RANBP2: variants seen among roughly 807,000 people sequenced by gnomAD.
The protein encoded by RANBP2 is RAN binding protein 2.
A neutral mutation model predicts 303.6 loss-of-function variants in RANBP2; 57 were observed. The ratio of observed to expected loss-of-function variants is 0.19; its 90% CI spans 0.15 to 0.23. The LOEUF (loss-of-function observed/expected upper bound fraction) is 0.23, where lower values mean the gene tolerates loss of function less well. RANBP2 is among the 10% of genes least tolerant of loss of function. RANBP2 has a pLI of 1.00. For missense variants in RANBP2, 3,138 were observed against 3,780.8 expected (o/e 0.83, Z 4.46); for synonymous variants, 1,167 against 1,301.5 (o/e 0.90, Z 2.23).
the RANBP2 span, among the ~76,000 whole-genome samples, chr2:109,014,025 A>G: frequency 5.3e-5 from 8 of 152,240 alleles, no homozygotes; most frequent in African/African-American, 1.4e-4. Flanking sequence ...GGATAGTGCA[A>G]CAAGCCAGCT....
chr2:108,786,988 C>G, downstream of RANBP2: 1 of 1,087,870 alleles, frequency 9.2e-7, no homozygotes, highest in Non-Finnish European at 1.2e-6. Flanking sequence ...CCCCGCGCAG[C>G]CGGCCTGGGG....
the RANBP2 span, chr2:109,567,928 C>G: frequency 1.2e-6 from 2 of 1,613,860 alleles, no homozygotes; most frequent in Admixed American, 3.3e-5. Context: ...TTCTGTAATT[C>G]AGTTTTAGAA....
the RANBP2 span, among the ~76,000 whole-genome samples, chr2:109,087,273 A>T: frequency 3.3e-5 from 5 of 151,706 alleles, no homozygotes; most frequent in Admixed American, 3.3e-4. Flanking sequence ...ACTTTGGATG[A>T]CTCTTGGCAA....
the RANBP2 span, among the ~76,000 whole-genome samples, chr2:109,258,244 G>A: frequency 5.2e-4 from 79 of 152,204 alleles, no homozygotes; most frequent in Non-Finnish European, 8.7e-4. Flanking sequence ...GCCTGGCGCT[G>A]TTTGTAGGGG....
chr2:108,999,567 G>A, the RANBP2 span, among the ~76,000 whole-genome samples: 1 of 152,046 alleles, frequency 6.6e-6, no homozygotes, highest in Non-Finnish European at 1.5e-5. Context: ...TAAATCTTTC[G>A]GCACAAAAGC....
the RANBP2 span, among the ~76,000 whole-genome samples, chr2:109,391,048 C>T: frequency 6.6e-6 from 1 of 152,358 alleles, no homozygotes; most frequent in Middle Eastern, 3.4e-3. Context: ...GACCAGCCTG[C>T]ACCTGACAGG....
the RANBP2 span, among the ~76,000 whole-genome samples, chr2:109,312,501 A>G: frequency 9.9e-5 from 15 of 152,168 alleles, no homozygotes; most frequent in African/African-American, 2.9e-4. Context: ...CCCCAAAAGG[A>G]AACTCTCTAC....
At chr2:109,430,667 GTATTT>G in the RANBP2 span, among the ~76,000 whole-genome samples, 1 of 152,166 alleles carries the variant, frequency 6.6e-6, no homozygotes, top group African/African-American at 2.4e-5. Flanking sequence ...TCCCTTAGTG[GTATTT>G]CCTCTATGGT....
At chr2:109,572,683 C>T in the RANBP2 span, among the ~76,000 whole-genome samples, 1 of 137,466 alleles carries the variant, frequency 7.3e-6, no homozygotes, top group Admixed American at 8.2e-5. Context: ...GTGGTGCAAT[C>T]TCGGATTACC....
chr2:109,315,253 A>C, the RANBP2 span, among the ~76,000 whole-genome samples: 11 of 152,234 alleles, frequency 7.2e-5, no homozygotes, highest in Non-Finnish European at 1.5e-4. Context: ...ATAGTAAGGC[A>C]GAAAGACGTG....
rs1446344606 is a variant in RANBP2 at position 108,767,031 on chromosome 2, C to T, written c.6492C>T (p.Ala2164=). Reference sequence around the variant, plus strand: ...AACTTGTAGATACTGGCAGAGCTGCCAAGTTAATACAGAGAGCTGAAGAAA... The same window carrying T: ...AACTTGTAGATACTGGCAGAGCTGCTAAGTTAATACAGAGAGCTGAAGAAA... ...PHKLVDTGRA[A]KLIQRAEEMK... The change falls in exon 20 of 29, where the codon GCC becomes GCT. Residue 2164 remains alanine (A), a synonymous_variant. Coordinates refer to ENST00000283195, the MANE Select transcript of RANBP2 (RefSeq NM_006267.5). The T allele has an allele frequency of 6.2e-7, 1 of 1,610,472 alleles. No individual in the cohort carries two copies. The highest frequency in any genetic ancestry group is 2.2e-5 in the East Asian group (1 of 44,884).
At chr2:109,130,189 G>A in the RANBP2 span, 17 of 1,222,404 alleles carry the variant, frequency 1.4e-5, no homozygotes, top group Non-Finnish European at 1.7e-5. Flanking sequence ...GGGGGGCAGT[G>A]ATGAGGTGCG....
chr2:108,847,160 A>G, the RANBP2 span, among the ~76,000 whole-genome samples: 3,551 of 152,300 alleles, frequency 0.023, 110 homozygotes, highest in African/African-American at 0.067. Flanking sequence ...CTTAGGTCAT[A>G]TTCCCATAAC....
intron 7 of RANBP2, among the ~76,000 whole-genome samples, chr2:108,744,145 T>C (rs2149182797): frequency 6.6e-6 from 1 of 152,356 alleles, no homozygotes; most frequent in Admixed American, 6.5e-5. Context: ...GGCTCACGCC[T>C]ATGATCTTAG....
At chr2:109,158,741 T>C in the RANBP2 span, among the ~76,000 whole-genome samples, 1 of 152,242 alleles carries the variant, frequency 6.6e-6, no homozygotes, top group Non-Finnish European at 1.5e-5. Flanking sequence ...TAACACATAT[T>C]CTGGAAGTTG....
At chr2:109,247,193 G>GTA in the RANBP2 span, among the ~76,000 whole-genome samples, 1 of 152,174 alleles carries the variant, frequency 6.6e-6, no homozygotes, top group African/African-American at 2.4e-5. Flanking sequence ...TATGAGATAA[G>GTA]GGAGAACAGA....
chr2:108,854,334 G>C, the RANBP2 span, among the ~76,000 whole-genome samples: 6 of 151,620 alleles, frequency 4.0e-5, no homozygotes, highest in Non-Finnish European at 8.8e-5. Flanking sequence ...TCTATAGTCA[G>C]ACAACTAAGG....
the RANBP2 span, among the ~76,000 whole-genome samples, chr2:109,098,351 A>G: frequency 2.0e-5 from 3 of 152,116 alleles, no homozygotes; most frequent in African/African-American, 7.2e-5. Context: ...TTGTTATCTG[A>G]CCCTCCAAGA....
the RANBP2 span, among the ~76,000 whole-genome samples, chr2:109,716,164 A>C: frequency 6.6e-6 from 1 of 152,166 alleles, no homozygotes; most frequent in Non-Finnish European, 1.5e-5. Context: ...AGGTAGGGGA[A>C]TAGTCAATTA....
Sources: allele counts gnomAD v4.1 joint callset (sites outside exome capture counted in the v4.1 genomes callset), GRCh38; gene constraint gnomAD v4.1.1; transcripts MANE v1.5; gene names NCBI Gene and HGNC (gene_info 2026-07-23, HGNC 2026-07-21).